NFIA: variants seen among roughly 807,000 people sequenced by gnomAD.
NFIA encodes the protein nuclear factor 1 A-type.
In NFIA, 8 loss-of-function variants were observed where a neutral mutation model predicts 62.8. The observed-to-expected ratio is 0.13, with a 90% CI of 0.07 to 0.23. The LOEUF (loss-of-function observed/expected upper bound fraction) is 0.23. Among genes scored for constraint, NFIA ranks in the 10% least tolerant of loss-of-function variants. NFIA has a pLI of 1.00. For synonymous variants in NFIA, 235 were observed against 238.1 expected, an observed-to-expected ratio of 0.99 and a Z score of 0.12; for missense variants, 410 against 642.1, an observed-to-expected ratio of 0.64 and a Z score of 3.91.
chr1:61,116,438 A>G (rs1329576949), intron 2 of NFIA, among the ~76,000 whole-genome samples: 4 of 152,156 alleles, frequency 2.6e-5, no homozygotes, highest in Non-Finnish European at 5.9e-5. Flanking sequence ...AGCAGGAACA[A>G]CGTTTTGTGC....
intron 3 of NFIA, among the ~76,000 whole-genome samples, chr1:61,280,220 A>G (rs1658049617): frequency 6.6e-6 from 1 of 152,190 alleles, no homozygotes; most frequent in Non-Finnish European, 1.5e-5. Flanking sequence ...CATGCATTAG[A>G]TAAGGTTCTA....
At position 61,345,177 on chromosome 1, in the gene NFIA, G is replaced by T. The variant is rs142934721; in HGVS notation, c.701-7273G>T. ...GTTAACCTTTTGAGAAAAACTCCTCGATAGAGCAAAATACTTCAGATTCGT... is the reference window on the plus strand; with the variant it reads ...GTTAACCTTTTGAGAAAAACTCCTCTATAGAGCAAAATACTTCAGATTCGT... On this transcript the variant is annotated intron_variant, in intron 4 of 10. Coordinates refer to ENST00000403491, the MANE Select transcript of NFIA (RefSeq NM_001134673.4). Among the ~76,000 whole-genome samples the T allele has an allele frequency of 2.4e-3, 362 of 152,280 alleles. 1 individual carries two copies. Among genetic ancestry groups the T allele is most frequent in the African/African-American group, 8.3e-3 (346 of 41,550 alleles).
intron 6 of NFIA, among the ~76,000 whole-genome samples, chr1:61,379,949 T>A (rs1290778243): frequency 6.6e-6 from 1 of 152,196 alleles, no homozygotes; most frequent in East Asian, 1.9e-4. Context: ...TTTGCACTTA[T>A]AAGTGCCTCC....
At chr1:61,169,599 G>C (rs1054428312) in intron 2 of NFIA, among the ~76,000 whole-genome samples, 3 of 152,134 alleles carry the variant, frequency 2.0e-5, no homozygotes, top group African/African-American at 7.2e-5. Context: ...TTAGGTGTTC[G>C]TGTACTCAGT....
intron 7 of NFIA, among the ~76,000 whole-genome samples, chr1:61,395,138 G>A (rs1270803476): frequency 4.6e-5 from 7 of 152,032 alleles, no homozygotes; most frequent in Admixed American, 4.6e-4. Context: ...AGTAGCCTAT[G>A]CTTTAGTAAT....
chr1:61,399,844 C>CT (rs1389150538), intron 7 of NFIA, among the ~76,000 whole-genome samples: 8 of 152,180 alleles, frequency 5.3e-5, no homozygotes, highest in Admixed American at 5.2e-4. Flanking sequence ...CCATAGTGGA[C>CT]TCTCAGACCA....
chr1:61,212,779 G>T (rs1330719907), intron 2 of NFIA, among the ~76,000 whole-genome samples: 1 of 152,236 alleles, frequency 6.6e-6, no homozygotes, highest in African/African-American at 2.4e-5. Context: ...CTGGGTTGCA[G>T]CCCAGACTGA....
chr1:61,392,183 T>G (rs907065699), intron 7 of NFIA, among the ~76,000 whole-genome samples: 5 of 151,856 alleles, frequency 3.3e-5, no homozygotes, highest in African/African-American at 1.2e-4. Context: ...GGATGGGATT[T>G]GAAGTTGCAG....
chr1:61,116,756 T>A (rs1646799606), intron 2 of NFIA, among the ~76,000 whole-genome samples: 1 of 152,244 alleles, frequency 6.6e-6, no homozygotes. Context: ...TCTTGAATTC[T>A]CATTTTAGAC....
At chr1:61,425,949 T>C (rs1666844117) in intron 9 of NFIA, among the ~76,000 whole-genome samples, 1 of 152,214 alleles carries the variant, frequency 6.6e-6, no homozygotes. Context: ...GTTTTCTATC[T>C]CCTTCCTGGA....
rs554894483 is a variant in NFIA, at chr1:61,290,658, C to T, written c.625+13073C>T. ...AAGGAAAATGAAGCACCTTGTTGTC[C>T]GAGCTTGAGCCAGTTCTAAAAGTAG... On this transcript the variant is annotated intron_variant, in intron 3 of 10. Transcript: ENST00000403491. 3.0e-4 allele frequency among the ~76,000 whole-genome samples: 45 copies of T among 152,242 alleles called. No homozygotes were observed. In the South Asian group the frequency reaches 7.9e-3, roughly 27 times the overall value.
chr1:61,348,090 C>T (rs902494904), intron 4 of NFIA, among the ~76,000 whole-genome samples: 2 of 152,170 alleles, frequency 1.3e-5, no homozygotes, highest in African/African-American at 4.8e-5. Context: ...CATGACCTGC[C>T]AAAAGCTCTT....
chr1:61,176,520 C>T (rs1052220454), intron 2 of NFIA, among the ~76,000 whole-genome samples: 2 of 151,988 alleles, frequency 1.3e-5, no homozygotes, highest in Non-Finnish European at 2.9e-5. Context: ...GATTTTCTCC[C>T]CTCTGATTGC....
At chr1:61,281,916 ATATTGTCAT>A (rs1658159588) in intron 3 of NFIA, among the ~76,000 whole-genome samples, 1 of 152,210 alleles carries the variant, frequency 6.6e-6, no homozygotes, top group Non-Finnish European at 1.5e-5. Context: ...GTAGATGAAT[ATATTGTCAT>A]TACTCCCAAA....
chr1:61,329,752 C>A (rs368373622), intron 3 of NFIA, among the ~76,000 whole-genome samples: 1 of 152,152 alleles, frequency 6.6e-6, no homozygotes, highest in East Asian at 1.9e-4. Context: ...TGATGCATGG[C>A]ACATAGTAGG....
intron 2 of NFIA, among the ~76,000 whole-genome samples, chr1:61,094,674 A>G (rs1646380818): frequency 1.3e-5 from 2 of 152,174 alleles, no homozygotes; most frequent in South Asian, 4.1e-4. Context: ...ACGGTAAGAT[A>G]CTCATTATTG....
At position 61,373,832 on chromosome 1, in the gene NFIA, A is replaced by G. The variant is rs1212626827; in HGVS notation, c.947-9405A>G. Among the ~76,000 whole-genome samples the G allele has an allele frequency of 2.6e-5, 4 of 152,140 alleles. No individual in the cohort carries two copies. In the South Asian group the frequency reaches 8.3e-4, roughly 32 times the overall value. On this transcript the variant is annotated intron_variant, in intron 6 of 10. Coordinates refer to ENST00000403491, the MANE Select transcript of NFIA (RefSeq NM_001134673.4). ...AAAAAAAGACTAAACATGCTGAACA[A>G]TACAAAATAAGGTTTATCTACTGTT...
intron 2 of NFIA, chr1:61,251,142 T>C (rs1250418935): frequency 6.6e-6 from 1 of 152,254 alleles, no homozygotes; most frequent in African/African-American, 2.4e-5. Context: ...TGGCTCACTT[T>C]TCTTTTGCAT....
At chr1:61,201,041 C>T (rs1489914091) in intron 2 of NFIA, among the ~76,000 whole-genome samples, 1 of 152,122 alleles carries the variant, frequency 6.6e-6, no homozygotes, top group East Asian at 1.9e-4. Flanking sequence ...ACAACGACTC[C>T]CTCTACGTTT....
Sources: gnomAD v4.1 joint callset for allele counts (sites outside exome capture counted in the v4.1 genomes callset) on GRCh38, gnomAD v4.1.1 for gene constraint, MANE v1.5 for transcripts, NCBI Gene and HGNC (gene_info 2026-07-23, HGNC 2026-07-21) for gene names.